The following WEE1 variants were observed in gnomAD, a reference collection of about 807,000 sequenced individuals.
WEE1 encodes the protein WEE1 G2 checkpoint kinase, also known as wee1-like protein kinase.
Under a neutral mutation model 68.8 loss-of-function variants are expected in WEE1, and 16 were observed. That is an observed-to-expected ratio of 0.23 (90% CI 0.16 to 0.35). The LOEUF (loss-of-function observed/expected upper bound fraction) is 0.35, where lower values mean the gene tolerates loss of function less well. WEE1 is among the 10% of genes least tolerant of loss of function. The pLI, the probability that WEE1 is intolerant of heterozygous loss-of-function variation, is 1.00. For missense variants in WEE1, 651 were observed against 824.1 expected, an observed-to-expected ratio of 0.79 and a Z score of 2.57; for synonymous variants, 349 against 318.7, an observed-to-expected ratio of 1.09 and a Z score of -1.01.
Position 9,589,969 on chromosome 11 carries a change from TATG to T in WEE1, c.*1370_*1372del, listed in dbSNP as rs567054958. ...TCTTCAAATTATTAAGTGAATATAATATGATTCATAACTTTCTGATTTGTACTG... is the reference window on the plus strand; with the variant it reads ...TCTTCAAATTATTAAGTGAATATAATATTCATAACTTTCTGATTTGTACTG... On this transcript the variant is annotated 3_prime_UTR_variant, in exon 11 of 11. Coordinates refer to ENST00000450114, the MANE Select transcript of WEE1 (RefSeq NM_003390.4). The T allele has an allele frequency of 6.9e-4, 107 of 154,100 alleles. No homozygotes were observed. Among genetic ancestry groups the T allele is most frequent in the African/African-American group, 2.4e-3 (98 of 41,616 alleles). The allele number at this position is 154,100 out of a possible 1,614,324, so 9.5% of individuals were successfully genotyped here. A position where few individuals can be genotyped will look rare whatever the true frequency, so the allele number is the denominator to read the frequency against.
chr11:9,581,281 G>T, intron 5 of WEE1: 1 of 387,172 alleles, frequency 2.6e-6, no homozygotes, highest in Non-Finnish European at 4.6e-6. Flanking sequence ...TTTACTCTGA[G>T]AAAGAAACAG....
At position 9,581,617 on chromosome 11, in the gene WEE1, A is replaced by G. The variant is rs779232556; in HGVS notation, c.1227A>G (p.Gln409=). The G allele has an allele frequency of 1.2e-6, 2 of 1,613,464 alleles. No individual in the cohort carries two copies. Among genetic ancestry groups the G allele is most frequent in the African/African-American group, 1.3e-5 (1 of 75,024 alleles). ...KEAELKDLLL[Q]VGRGLRYIHS... ...CAGAGTTGAAGGATCTCCTTTTGCA[A>G]GTTGGCCGAGGCTTGAGGTATATTC... Residue 409 remains glutamine, a synonymous_variant, in exon 6 of 11, where the codon CAA becomes CAG. Transcript: ENST00000450114.
intron 6 of WEE1, among the ~76,000 whole-genome samples, chr11:9,582,218 A>G (rs1391731450): frequency 6.6e-6 from 1 of 152,246 alleles, no homozygotes; most frequent in African/African-American, 2.4e-5. Context: ...CTACTTAAGG[A>G]TCATGCATTG....
intron 5 of WEE1, chr11:9,577,927 C>A: frequency 2.2e-6 from 1 of 455,750 alleles, no homozygotes; most frequent in Middle Eastern, 3.3e-4. Context: ...TTATGTCTCT[C>A]CTTTTCTATT....
intron 6 of WEE1, among the ~76,000 whole-genome samples, chr11:9,583,759 GCGCACACACACACACACA>G (rs1375203042): frequency 7.5e-4 from 31 of 41,608 alleles, no homozygotes; most frequent in East Asian, 5.5e-3. Flanking sequence ...GTGCACGCGC[GCGCACACACACACACACA>G]CACACACACA....
chr11:9,581,708 T>C, intron 6 of WEE1, 30 bp downstream of exon 6: 1 of 1,586,110 alleles, frequency 6.3e-7, no homozygotes, highest in Non-Finnish European at 8.5e-7. Flanking sequence ...TGACCTGTGT[T>C]CTTTGGGGTT....
intron 6 of WEE1, 89 bp from the exon 7 acceptor site, chr11:9,585,169 G>C (rs1490724965): frequency 1.5e-5 from 15 of 1,031,376 alleles, no homozygotes; most frequent in African/African-American, 3.2e-5. Context: ...ATTTTAAAAA[G>C]CATTATGGAT....
chr11:9,582,849 G>A (rs536522695), intron 6 of WEE1, among the ~76,000 whole-genome samples: 2 of 152,288 alleles, frequency 1.3e-5, no homozygotes, highest in African/African-American at 4.8e-5. Flanking sequence ...ACAGGCGTAA[G>A]CCACCGTGCC....
At chr11:9,583,780 CACACACACACACACACACACACATAT>C (rs1415052146) in intron 6 of WEE1, among the ~76,000 whole-genome samples, 19 of 30,600 alleles carry the variant, frequency 6.2e-4, no homozygotes, top group South Asian at 2.4e-3. Context: ...CACACACACA[CACACACACACACACACACACACATAT>C]ATATATATAT....
Position 9,574,873 on chromosome 11 carries a change from C to G in WEE1, c.576+364C>G. 2.0e-6 allele frequency: 2 copies of G among 988,194 alleles called. No individual in the cohort carries two copies. The highest frequency in any genetic ancestry group is 2.4e-6 in the Non-Finnish European group (2 of 831,784). 61.2% of individuals were successfully genotyped at this position (988,194 alleles called of 1,614,324 possible). On this transcript the variant is annotated intron_variant, in intron 1 of 10. Transcript: ENST00000450114. This position sits in a 1 kb window ranked among gnomAD's most constrained non-coding sequence, Gnocchi z 4.9. ...GTGCCGGCCCGGCCACCTGACACTC[C>G]CGAGCCATAGGATGCCTTTTAAACG...
intron 5 of WEE1, chr11:9,578,584 CA>C (rs1308045323): frequency 6.6e-6 from 1 of 152,214 alleles, no homozygotes; most frequent in African/African-American, 2.4e-5. Flanking sequence ...ACAACTTGAC[CA>C]CAATGTCGTC....
intron 6 of WEE1, among the ~76,000 whole-genome samples, chr11:9,583,798 CACACATATATATATAT>C (rs1281456422): frequency 2.8e-3 from 63 of 22,156 alleles, no homozygotes; most frequent in African/African-American, 8.1e-3. Flanking sequence ...CACACACACA[CACACATATATATATAT>C]ATATATATAT....
intron 6 of WEE1, among the ~76,000 whole-genome samples, chr11:9,583,790 CACACACACACACATATAT>C (rs1233417441): frequency 3.3e-4 from 10 of 30,502 alleles, no homozygotes; most frequent in African/African-American, 1.2e-3. Context: ...CACACACACA[CACACACACACACATATAT>C]ATATATATAT....
At chr11:9,577,300 A>G (rs1849574590) in intron 5 of WEE1, 37 bp downstream of exon 5, 1 of 1,597,154 alleles carries the variant, frequency 6.3e-7, no homozygotes, top group South Asian at 1.1e-5. Context: ...AGCTTGAGAA[A>G]ATGAACATCG....
At position 9,576,755 on chromosome 11, in the gene WEE1, C is replaced by T; in HGVS notation, c.1019+96C>T. 7.8e-7 allele frequency: 1 copy of T among 1,285,536 alleles called. No homozygotes were observed. The highest frequency in any genetic ancestry group is 1.5e-5 in the South Asian group (1 of 65,758). 79.6% of individuals were successfully genotyped at this position (1,285,536 alleles called of 1,614,324 possible). A position where few individuals can be genotyped will look rare whatever the true frequency, so the allele number is the denominator to read the frequency against. ...GTCAAACACTGAATTCCATCTCTAA[C>T]TTTTGAGAAGCTGTAATGATTTAAT... On this transcript the variant is annotated intron_variant, in intron 4 of 10. Coordinates refer to ENST00000450114, the MANE Select transcript of WEE1 (RefSeq NM_003390.4). This position sits in a 1 kb window ranked among gnomAD's most constrained non-coding sequence, Gnocchi z 4.3.
chr11:9,587,389 A>T (rs1011025328), intron 10 of WEE1, among the ~76,000 whole-genome samples: 112 of 152,228 alleles, frequency 7.4e-4, no homozygotes, highest in Non-Finnish European at 9.3e-4. Context: ...TGAGACTAAC[A>T]TATATTTGCA....
At chr11:9,580,479 T>C (rs540600857) in intron 5 of WEE1, 15 of 148,874 alleles carry the variant, frequency 1.0e-4, no homozygotes, top group South Asian at 4.2e-4. Flanking sequence ...TTTTTTTTTT[T>C]CGGGGGACTG....
At chr11:9,575,687 T>C (rs2134339740) in intron 1 of WEE1, 1 of 589,466 alleles carries the variant, frequency 1.7e-6, no homozygotes, top group South Asian at 2.2e-5. Context: ...TTGGCTATTT[T>C]TTTCAAGAAA....
intron 5 of WEE1, chr11:9,580,373 A>G (rs1417389940): frequency 1.3e-5 from 2 of 152,072 alleles, no homozygotes; most frequent in African/African-American, 2.4e-5. Flanking sequence ...GTTATTTATT[A>G]GGCCATAGTA....
Sources: allele counts gnomAD v4.1 joint callset (sites outside exome capture counted in the v4.1 genomes callset), GRCh38; gene constraint gnomAD v4.1.1; non-coding constraint Gnocchi (gnomAD v3.1); transcripts MANE v1.5; gene names NCBI Gene and HGNC (gene_info 2026-07-23, HGNC 2026-07-21).